The following SOX6 variants were observed in gnomAD, a reference collection of about 807,000 sequenced individuals.
The protein encoded by SOX6 is SRY-box transcription factor 6, also known as transcription factor SOX-6.
Under a neutral mutation model 97.8 loss-of-function variants are expected in SOX6, and 11 were observed. The observed-to-expected ratio is 0.11, with a 90% CI of 0.07 to 0.19. SOX6 has a LOEUF of 0.19. SOX6 is among the 10% of genes least tolerant of loss of function. SOX6 has a pLI of 1.00. For synonymous variants in SOX6, 360 were observed against 371.4 expected (o/e 0.97, Z 0.35); for missense variants, 810 against 1,039.5 (o/e 0.78, Z 3.04).
intron 7 of SOX6, among the ~76,000 whole-genome samples, chr11:16,103,216 A>G (rs1848993438): frequency 6.6e-6 from 1 of 152,002 alleles, no homozygotes; most frequent in South Asian, 2.1e-4. Context: ...GGCAAAGGAC[A>G]TGAATAGACA....
rs143792295 is a variant in SOX6 at position 16,737,964 on chromosome 11, C to T, written n.219+461G>A. 3.3e-5 allele frequency among the ~76,000 whole-genome samples: 5 copies of T among 151,846 alleles called. No homozygotes were observed. The East Asian group carries it at 7.8e-4, about 24-fold the overall frequency. ...GGGATGGACTTTGCTTGGTGAAGGC[C>T]CCTACTGTAACGGTGCCCAGACATC... On this transcript the variant is annotated intron_variant and non_coding_transcript_variant, in intron 1 of 5. Transcript: ENST00000524520.
At chr11:16,151,541 T>C (rs557015883) in intron 6 of SOX6, among the ~76,000 whole-genome samples, 1 of 152,266 alleles carries the variant, frequency 6.6e-6, no homozygotes, top group South Asian at 2.1e-4. Flanking sequence ...CAGAGAAAAT[T>C]TCATGTCAAA....
intron 3 of SOX6, among the ~76,000 whole-genome samples, chr11:16,629,322 C>CA (rs1848671392): frequency 6.6e-6 from 1 of 152,174 alleles, no homozygotes; most frequent in African/African-American, 2.4e-5. Context: ...TGGATTTTAT[C>CA]AAAAGCTTTT....
intron 11 of SOX6, among the ~76,000 whole-genome samples, chr11:16,047,728 GTGTGTGTA>G (rs1855879563): frequency 1.3e-5 from 2 of 148,408 alleles, no homozygotes; most frequent in East Asian, 4.4e-4. Flanking sequence ...GTGTGTGTGT[GTGTGTGTA>G]TGTGTGTGTA....
In SOX6 at chr11:16,601,045, T is replaced by C. The variant is rs117376199; in HGVS notation, n.609+11036A>G. ...TGTTCTAATACCTTATTTTCCTTAT[T>C]AGGAAAAAAAACAGAGGAGAGACAT... is the stretch of plus-strand genomic sequence containing the variant. On this transcript the variant is annotated intron_variant and non_coding_transcript_variant, in intron 4 of 5. Coordinates refer to the SOX6 transcript ENST00000524520. Among the ~76,000 whole-genome samples the C allele has an allele frequency of 1.1e-3, 165 of 152,104 alleles. 5 individuals are homozygous for C. In the East Asian group the frequency reaches 0.03, roughly 27 times the overall value.
At chr11:16,651,092 C>T (rs1292413758) in intron 3 of SOX6, among the ~76,000 whole-genome samples, 2 of 151,796 alleles carry the variant, frequency 1.3e-5, no homozygotes, top group Non-Finnish European at 2.9e-5. Context: ...AGAAACTGAA[C>T]AAACCAATAA....
intron 1 of SOX6, among the ~76,000 whole-genome samples, chr11:16,386,262 G>C (rs1016707112): frequency 6.7e-6 from 1 of 148,206 alleles, no homozygotes; most frequent in Non-Finnish European, 1.5e-5. Flanking sequence ...CCTTAATGCA[G>C]GAAACACAAA....
chr11:16,505,977 G>A (rs532453681), intron 4 of SOX6, among the ~76,000 whole-genome samples: 1 of 152,338 alleles, frequency 6.6e-6, no homozygotes, highest in East Asian at 1.9e-4. Flanking sequence ...CAGGTTCAGA[G>A]CATTCATGGA....
intron 3 of SOX6, among the ~76,000 whole-genome samples, chr11:16,701,447 A>C (rs902536642): frequency 1.3e-5 from 2 of 152,180 alleles, no homozygotes; most frequent in Admixed American, 6.5e-5. Flanking sequence ...TTAATCATGG[A>C]TAAAAAAGAA....
At chr11:16,073,730 T>C (rs1206750621) in intron 9 of SOX6, among the ~76,000 whole-genome samples, 2 of 152,028 alleles carry the variant, frequency 1.3e-5, no homozygotes, top group Non-Finnish European at 2.9e-5. Flanking sequence ...AACAAAATCA[T>C]ACCAAACATA....
chr11:16,187,024 A>G, intron 4 of SOX6, 69 bp from the exon 5 acceptor site: 1 of 1,553,082 alleles, frequency 6.4e-7, no homozygotes. Flanking sequence ...AAAGGAGGGC[A>G]GAATTTAGAA....
chr11:16,355,162 A>G (rs545057638), intron 1 of SOX6, among the ~76,000 whole-genome samples: 2 of 152,074 alleles, frequency 1.3e-5, no homozygotes, highest in Non-Finnish European at 2.9e-5. Flanking sequence ...GTTTGAGATC[A>G]CTATTTCCAC....
chr11:16,217,928 C>T (rs1852421478), intron 4 of SOX6, among the ~76,000 whole-genome samples: 1 of 152,078 alleles, frequency 6.6e-6, no homozygotes, highest in Non-Finnish European at 1.5e-5. Context: ...TGCTGTAGCA[C>T]TTCTAAAACA....
intron 9 of SOX6, among the ~76,000 whole-genome samples, chr11:16,081,289 AGTC>A (rs573080494): frequency 2.8e-4 from 42 of 152,136 alleles, no homozygotes; most frequent in African/African-American, 9.9e-4. Flanking sequence ...TGGTGTTGAG[AGTC>A]TTAAGATTTA....
At chr11:16,458,002 T>C (rs1859844995) in intron 1 of SOX6, among the ~76,000 whole-genome samples, 1 of 152,020 alleles carries the variant, frequency 6.6e-6, no homozygotes, top group Non-Finnish European at 1.5e-5. Context: ...ATGATGACGA[T>C]GATGATAATA....
intron 6 of SOX6, among the ~76,000 whole-genome samples, chr11:16,128,814 A>G (rs1433069854): frequency 6.6e-6 from 1 of 152,090 alleles, no homozygotes; most frequent in African/African-American, 2.4e-5. Context: ...GCGAATTCCA[A>G]GTTCAGGAAT....
rs572771489 is a variant in SOX6, at chr11:15,986,519, CGCTGGGTG to C, written c.1967-107_1967-100del. 130 of 1,147,562 alleles carry C rather than the reference CGCTGGGTG, an allele frequency of 1.1e-4. 1 individual carries two copies. The East Asian group carries it at 2.8e-3, about 25-fold the overall frequency. The allele number at this position is 1,147,562 out of a possible 1,614,324, so 71.1% of individuals were successfully genotyped here. On this transcript the variant is annotated intron_variant, in intron 14 of 15. Coordinates refer to ENST00000683767, the MANE Select transcript of SOX6 (RefSeq NM_001367873.1). ...CTTCCCATCACTTCACTCATCTGTG[CGCTGGGTG>C]GCTCCAATTCCCACATACCACTGGC... is the stretch of plus-strand genomic sequence containing the variant.
At chr11:16,309,549 A>T (rs959042609) in intron 3 of SOX6, among the ~76,000 whole-genome samples, 1 of 152,172 alleles carries the variant, frequency 6.6e-6, no homozygotes, top group Admixed American at 6.5e-5. Flanking sequence ...AAATGTAGAT[A>T]AAAAAACAAA....
At position 15,989,031 on chromosome 11, in the gene SOX6, G is replaced by A. The variant is rs375479510; in HGVS notation, c.1932C>T (p.Pro644=). The A allele has an allele frequency of 4.3e-5, 70 of 1,614,002 alleles. No homozygotes were observed. The highest frequency in any genetic ancestry group is 5.4e-5 in the Non-Finnish European group (64 of 1,180,008). ...DERRKILQAF[P]DMHNSNISKI... Reference sequence around the variant, plus strand: ...TGCTAATGTTGGAGTTATGCATGTCGGGGAAGGCCTGAAGGATTTTTCTCC... The same window carrying A: ...TGCTAATGTTGGAGTTATGCATGTCAGGGAAGGCCTGAAGGATTTTTCTCC... The change falls in exon 14 of 16, where the codon CCC becomes CCT. Residue 644 remains proline, a synonymous_variant. Coordinates refer to ENST00000683767, the MANE Select transcript of SOX6 (RefSeq NM_001367873.1).
Sources: allele counts gnomAD v4.1 joint callset (sites outside exome capture counted in the v4.1 genomes callset), GRCh38; gene constraint gnomAD v4.1.1; transcripts MANE v1.5; gene names NCBI Gene and HGNC (gene_info 2026-07-23, HGNC 2026-07-21).